LONP2: variants seen among roughly 807,000 people sequenced by gnomAD.
The protein encoded by LONP2 is lon peptidase 2, peroxisomal.
A neutral mutation model predicts 85.6 loss-of-function variants in LONP2; 60 were observed. The observed-to-expected ratio is 0.70, with a 90% CI of 0.57 to 0.87. The LOEUF (loss-of-function observed/expected upper bound fraction) is 0.87. Among genes scored for constraint, LONP2 ranks in the 40% least tolerant of loss-of-function variants. LONP2 has a pLI of 0.00. For missense variants in LONP2, 860 were observed against 1,063.5 expected (o/e 0.81, Z 2.66); for synonymous variants, 395 against 389.7 (o/e 1.01, Z -0.16).
intron 8 of LONP2, among the ~76,000 whole-genome samples, chr16:48,294,638 C>T (rs1972629687): frequency 6.6e-6 from 1 of 152,004 alleles, no homozygotes; most frequent in African/African-American, 2.4e-5. Context: ...GGGTGGTACG[C>T]ACCTGTAATC....
At chr16:48,316,893 A>C (rs1303362511) in intron 11 of LONP2, among the ~76,000 whole-genome samples, 1 of 152,114 alleles carries the variant, frequency 6.6e-6, no homozygotes, top group Non-Finnish European at 1.5e-5. Context: ...ACATTGGATG[A>C]AAAATACAAG....
chr16:48,305,421 A>G (rs1289358452), intron 11 of LONP2, among the ~76,000 whole-genome samples: 1 of 151,866 alleles, frequency 6.6e-6, no homozygotes, highest in Non-Finnish European at 1.5e-5. Flanking sequence ...CGCCCGGCTA[A>G]TTTTTGTATT....
intron 8 of LONP2, among the ~76,000 whole-genome samples, chr16:48,292,494 A>G (rs1015590227): frequency 3.9e-5 from 6 of 152,064 alleles, no homozygotes; most frequent in African/African-American, 1.4e-4. Flanking sequence ...CTTTCCTTTC[A>G]CACTCTTCCT....
chr16:48,348,487 CTTTTTTTT>C (rs34729067), intron 14 of LONP2, among the ~76,000 whole-genome samples, 197 bp downstream of exon 14: 15 of 112,816 alleles, frequency 1.3e-4, no homozygotes, highest in African/African-American at 1.9e-4. Context: ...TCACATTTTC[CTTTTTTTT>C]TTTTTTTTTT....
chr16:48,264,632 TAA>T (rs749297418), intron 6 of LONP2, among the ~76,000 whole-genome samples: 78 of 152,164 alleles, frequency 5.1e-4, no homozygotes, highest in Non-Finnish European at 9.8e-4. Context: ...CTGACAGGAT[TAA>T]GAGATTAAAG....
intron 1 of LONP2, among the ~76,000 whole-genome samples, chr16:48,249,872 C>CA (rs1432312704): frequency 6.6e-6 from 1 of 151,934 alleles, no homozygotes; most frequent in Non-Finnish European, 1.5e-5. Context: ...CCTTTCACAG[C>CA]AAAAATATTG....
Position 48,244,465 on chromosome 16 carries a change from G to T in LONP2, c.77G>T (p.Gly26Val). 6.3e-7 allele frequency: 1 copy of T among 1,596,700 alleles called. No individual in the cohort carries two copies. The highest frequency in any genetic ancestry group is 8.5e-7 in the Non-Finnish European group (1 of 1,175,784). The change falls in exon 1 of 15, where the codon GGC (glycine) becomes GTC (valine). Residue 26 changes from glycine to valine, a missense_variant. By Grantham distance (109) the Gly-to-Val change is moderately radical. Coordinates refer to ENST00000285737, the MANE Select transcript of LONP2 (RefSeq NM_031490.5). ...LLTHEGVLLP[G>V]STMRTSVDSA... is the part of the protein sequence containing the mutation. ...ACCCACGAGGGCGTCCTGCTGCCCG[G>T]CTCCACCATGCGCACCAGCGTGGAC...
At position 48,351,639 on chromosome 16, in the gene LONP2, T is replaced by C; in HGVS notation, c.2396T>C (p.Ile799Thr). ...AAHRAGLKQV[I>T]IPRRNEKDLE... ...CACAGAGCGGGACTGAAGCAAGTCA[T>C]TATTCCTCGGAGAAATGAAAAAGAC... The change falls in exon 15 of 15, where the codon ATT becomes ACT. Residue 799 changes from isoleucine to threonine, a missense_variant. This residue lies in a region of LONP2 where 115 missense variants were observed against 129.0 expected (regional missense o/e 0.89). Coordinates refer to ENST00000285737, the MANE Select transcript of LONP2 (RefSeq NM_031490.5). 1 of 1,614,106 alleles carries C rather than the reference T, an allele frequency of 6.2e-7. No homozygotes were observed. Among genetic ancestry groups the C allele is most frequent in the Non-Finnish European group, 8.5e-7 (1 of 1,180,012 alleles).
chr16:48,271,631 C>T (rs979528579), intron 7 of LONP2, among the ~76,000 whole-genome samples: 2 of 151,962 alleles, frequency 1.3e-5, no homozygotes, highest in Non-Finnish European at 2.9e-5. Context: ...GCCTGTAATC[C>T]CAGCACTTTG....
intron 1 of LONP2, among the ~76,000 whole-genome samples, chr16:48,248,960 G>A (rs1172271619): frequency 6.6e-6 from 1 of 151,496 alleles, no homozygotes; most frequent in Non-Finnish European, 1.5e-5. Flanking sequence ...CCTCATCTTG[G>A]AAAACTTTTT....
intron 6 of LONP2, among the ~76,000 whole-genome samples, chr16:48,266,435 C>A (rs1410203075): frequency 2.0e-5 from 3 of 151,332 alleles, no homozygotes; most frequent in Admixed American, 1.3e-4. Flanking sequence ...ATCTGTAATA[C>A]CATCACCATA....
Position 48,299,781 on chromosome 16 carries a change from A to G in LONP2, c.1654A>G (p.Ile552Val). Residue 552 changes from isoleucine (I) to valine (V), a missense_variant, in exon 10 of 15, where the codon ATC becomes GTC. Around this residue, in one of 3 missense-constraint regions of LONP2, gnomAD observed 743 missense variants for 917.3 expected, o/e 0.81. Coordinates refer to ENST00000285737, the MANE Select transcript of LONP2 (RefSeq NM_031490.5). ...ACCCCAGGTCACCACTCTTGACATC[A>G]TCACCAGGTTAGTTAGCCATCCTGA... ...QIPQVTTLDI[I>V]TRYTREAGVR... The G allele has an allele frequency of 6.2e-7, 1 of 1,609,896 alleles. No individual in the cohort carries two copies. Among genetic ancestry groups the G allele is most frequent in the South Asian group, 1.1e-5 (1 of 90,018 alleles).
intron 11 of LONP2, among the ~76,000 whole-genome samples, chr16:48,312,886 C>T (rs533025412): frequency 6.6e-6 from 1 of 152,172 alleles, no homozygotes; most frequent in Non-Finnish European, 1.5e-5. Context: ...GTGAAACTCT[C>T]AGGGGTCCTG....
chr16:48,254,658 T>C (rs1971721945), intron 2 of LONP2, among the ~76,000 whole-genome samples: 1 of 152,208 alleles, frequency 6.6e-6, no homozygotes, highest in Non-Finnish European at 1.5e-5. Flanking sequence ...GAATCTATGC[T>C]TTCCCAACAG....
At chr16:48,247,866 A>G (rs1419109604) in intron 1 of LONP2, among the ~76,000 whole-genome samples, 5 of 152,248 alleles carry the variant, frequency 3.3e-5, no homozygotes, top group Middle Eastern at 3.4e-3. Context: ...TGTGAGCTCA[A>G]GTGATCCTCC....
chr16:48,269,894 C>A, intron 6 of LONP2, 122 bp from the exon 7 acceptor site: 1 of 1,001,702 alleles, frequency 1.0e-6, no homozygotes. Flanking sequence ...CTAGAAAGAT[C>A]CAAGTCTGTT....
In LONP2 at chr16:48,343,695, T is replaced by TA. The variant is rs112146880; in HGVS notation, c.1939-3801dup. The TA allele has an allele frequency of 6.9e-4, 101 of 146,246 alleles. No homozygotes were observed. The East Asian group carries it at 0.012, about 17-fold the overall frequency. 9.1% of individuals were successfully genotyped at this position (146,246 alleles called of 1,614,324 possible). A position where few individuals can be genotyped will look rare whatever the true frequency, so the allele number is the denominator to read the frequency against. ...CCTGGGTGACGAGCGAAACTCAGTCTAAAAAAAAAAAGAATGCAATCATAC... is the reference window on the plus strand; with the variant it reads ...CCTGGGTGACGAGCGAAACTCAGTCTAAAAAAAAAAAAGAATGCAATCATAC... On this transcript the variant is annotated intron_variant, in intron 12 of 14. Transcript: ENST00000285737.
At chr16:48,248,569 A>C (rs142125382) in intron 1 of LONP2, among the ~76,000 whole-genome samples, 1,992 of 152,286 alleles carry the variant, frequency 0.013, 17 homozygotes, top group Non-Finnish European at 0.019. Flanking sequence ...CCAAATGGGT[A>C]GTTTTAAATG....
chr16:48,350,825 T>C (rs1222899424), intron 14 of LONP2, among the ~76,000 whole-genome samples: 1 of 152,184 alleles, frequency 6.6e-6, no homozygotes, highest in Non-Finnish European at 1.5e-5. Context: ...TTGACTCATG[T>C]GACTGGCAAA....
Sources: allele counts gnomAD v4.1 joint callset (sites outside exome capture counted in the v4.1 genomes callset), GRCh38; gene constraint gnomAD v4.1.1; regional missense constraint gnomAD v4.1.1; transcripts MANE v1.5; gene names NCBI Gene and HGNC (gene_info 2026-07-23, HGNC 2026-07-21).